Variants in CTNNA3 observed in about 807,000 individuals in gnomAD.
The protein encoded by CTNNA3 is catenin alpha-3.
Under a neutral mutation model 95.7 loss-of-function variants are expected in CTNNA3, and 76 were observed. The ratio of observed to expected loss-of-function variants is 0.79; its 90% confidence interval spans 0.66 to 0.96. The LOEUF is 0.96. Ranked by LOEUF, CTNNA3 falls within the 40% of genes least tolerant of loss-of-function variation. CTNNA3 has a pLI of 0.00. For missense variants in CTNNA3, 1,191 were observed against 1,089.8 expected (o/e 1.09, Z -1.31); for synonymous variants, 431 against 374.4 (o/e 1.15, Z -1.74).
chr10:67,019,218 TTTA>T (rs1262227878), intron 7 of CTNNA3, among the ~76,000 whole-genome samples: 2 of 152,130 alleles, frequency 1.3e-5, no homozygotes, highest in African/African-American at 4.8e-5. Flanking sequence ...TTAATTTTAT[TTTA>T]TTATTATTTT....
At chr10:65,999,804 A>G (rs1246525785) in intron 15 of CTNNA3, among the ~76,000 whole-genome samples, 1 of 152,146 alleles carries the variant, frequency 6.6e-6, no homozygotes, top group Non-Finnish European at 1.5e-5. Flanking sequence ...AGCAAATAGC[A>G]TCTTAAATTA....
chr10:67,600,169 T>C (rs7902864), intron 3 of CTNNA3, among the ~76,000 whole-genome samples: 15,114 of 152,084 alleles, frequency 0.099, 1,502 homozygotes, highest in African/African-American at 0.26. Flanking sequence ...ACTGGAGCAA[T>C]TAAATTTCTG....
At chr10:67,279,216 A>C (rs966383615) in intron 5 of CTNNA3, among the ~76,000 whole-genome samples, 4 of 152,212 alleles carry the variant, frequency 2.6e-5, no homozygotes, top group African/African-American at 9.6e-5. Flanking sequence ...CTAAGGACAC[A>C]TAACAATTAA....
chr10:67,541,172 A>G (rs766431649), intron 3 of CTNNA3, among the ~76,000 whole-genome samples: 7 of 151,946 alleles, frequency 4.6e-5, no homozygotes, highest in Non-Finnish European at 1.0e-4. Context: ...ATAAATTCCT[A>G]AAAGTAGAAT....
intron 4 of CTNNA3, among the ~76,000 whole-genome samples, chr10:67,525,814 A>T (rs1384858987): frequency 6.6e-6 from 1 of 152,210 alleles, no homozygotes. Context: ...ATCAAGTAGC[A>T]TTGCTCCAAA....
At chr10:66,084,154 A>AAAAAAAAAAAG (rs1564627073) in intron 14 of CTNNA3, among the ~76,000 whole-genome samples, 5 of 141,338 alleles carry the variant, frequency 3.5e-5, no homozygotes, top group Non-Finnish European at 6.2e-5. Context: ...AAAAGAAAAA[A>AAAAAAAAAAAG]AAAGAAAAAG....
intron 15 of CTNNA3, among the ~76,000 whole-genome samples, chr10:66,047,013 G>C (rs2079842739): frequency 6.6e-6 from 1 of 152,054 alleles, no homozygotes; most frequent in Non-Finnish European, 1.5e-5. Context: ...AAAAAGCCCA[G>C]GACCTGATGG....
At chr10:66,152,277 T>G (rs1012095370) in intron 13 of CTNNA3, among the ~76,000 whole-genome samples, 6 of 151,900 alleles carry the variant, frequency 3.9e-5, no homozygotes, top group Non-Finnish European at 8.8e-5. Flanking sequence ...TTACAAGCAC[T>G]TGGAAAAATA....
intron 7 of CTNNA3, among the ~76,000 whole-genome samples, chr10:66,908,053 A>G (rs1846067068): frequency 6.6e-6 from 1 of 152,210 alleles, no homozygotes; most frequent in South Asian, 2.1e-4. Context: ...AGTCTTGGCT[A>G]GAAGTTCTAT....
At chr10:67,264,018 TAA>T (rs201968855) in intron 5 of CTNNA3, among the ~76,000 whole-genome samples, 1 of 147,660 alleles carries the variant, frequency 6.8e-6, no homozygotes, top group Admixed American at 6.8e-5. Flanking sequence ...AAAGTTTCTT[TAA>T]AAAAAAAAGG....
At chr10:67,761,671 G>T (rs1841462198) in intron 1 of CTNNA3, among the ~76,000 whole-genome samples, 1 of 152,146 alleles carries the variant, frequency 6.6e-6, no homozygotes, top group African/African-American at 2.4e-5. Context: ...AAGGTCAGGA[G>T]ATCGAGACCA....
At chr10:66,162,017 A>G (rs1428028918) in intron 13 of CTNNA3, among the ~76,000 whole-genome samples, 1 of 151,584 alleles carries the variant, frequency 6.6e-6, no homozygotes, top group Non-Finnish European at 1.5e-5. Context: ...AGCATTCTGC[A>G]TTTCCGAAAG....
chr10:66,620,860 A>G (rs1398439910), intron 10 of CTNNA3, among the ~76,000 whole-genome samples: 1 of 152,190 alleles, frequency 6.6e-6, no homozygotes. Context: ...GAATCTCAGG[A>G]GACGTCCAGA....
At chr10:67,182,874 C>A (rs1326628882) in intron 6 of CTNNA3, among the ~76,000 whole-genome samples, 4 of 152,136 alleles carry the variant, frequency 2.6e-5, no homozygotes, top group African/African-American at 9.7e-5. Flanking sequence ...AACAACTGGG[C>A]AAAGGATATG....
At chr10:67,171,082 A>G (rs1202643898) in intron 7 of CTNNA3, among the ~76,000 whole-genome samples, 5 of 152,178 alleles carry the variant, frequency 3.3e-5, no homozygotes, top group African/African-American at 1.2e-4. Flanking sequence ...AAAATTATCT[A>G]TTTGGCTCAC....
At chr10:66,123,130 G>C (rs751797692) in intron 13 of CTNNA3, among the ~76,000 whole-genome samples, 1 of 152,072 alleles carries the variant, frequency 6.6e-6, no homozygotes, top group Admixed American at 6.5e-5. Flanking sequence ...CTGAGACAAG[G>C]CAATTTCCTT....
chr10:66,741,379 G>C (rs1849321047), intron 9 of CTNNA3, among the ~76,000 whole-genome samples: 1 of 152,180 alleles, frequency 6.6e-6, no homozygotes, highest in Admixed American at 6.5e-5. Context: ...AGTACTTTGT[G>C]AGTACCATGG....
intron 8 of CTNNA3, among the ~76,000 whole-genome samples, chr10:66,774,416 G>A (rs1357163517): frequency 6.6e-6 from 1 of 152,180 alleles, no homozygotes; most frequent in East Asian, 1.9e-4. Context: ...AAGACAGGTT[G>A]TGCTAAGTTC....
intron 1 of CTNNA3, among the ~76,000 whole-genome samples, chr10:67,710,448 G>T (rs1342909033): frequency 6.6e-6 from 1 of 152,154 alleles, no homozygotes; most frequent in Non-Finnish European, 1.5e-5. Context: ...TCTGGGACAG[G>T]AATGTGAGCT....
Sources: gnomAD v4.1 joint callset for allele counts (sites outside exome capture counted in the v4.1 genomes callset) on GRCh38, gnomAD v4.1.1 for gene constraint, MANE v1.5 for transcripts, NCBI Gene and HGNC (gene_info 2026-07-23, HGNC 2026-07-21) for gene names.